Variants in PHF11 observed in about 807,000 individuals in gnomAD.
PHF11 encodes the protein PHD finger protein 11, also known as BRCA1 C-terminus-associated protein.
In PHF11, 38 loss-of-function variants were observed where a neutral mutation model predicts 40.5. That is an observed-to-expected ratio of 0.94 (90% CI 0.72 to 1.23). The LOEUF (loss-of-function observed/expected upper bound fraction) is 1.23. PHF11 is among the 50% of genes most tolerant of loss of function. PHF11 has a pLI of 0.00. For missense variants in PHF11, 369 were observed against 392.4 expected, an observed-to-expected ratio of 0.94 and a Z score of 0.50; for synonymous variants, 127 against 138.2, an observed-to-expected ratio of 0.92 and a Z score of 0.57.
intron 1 of PHF11, among the ~76,000 whole-genome samples, chr13:49,496,799 G>A (rs1958818038): frequency 6.9e-6 from 1 of 145,902 alleles, no homozygotes. Flanking sequence ...TTCAGGGAAA[G>A]CTTTTTGAGG....
In PHF11 at chr13:49,523,397, T is replaced by C. The variant is rs2139075072; in HGVS notation, c.637+156T>C. 3 of 617,768 alleles carry C rather than the reference T, an allele frequency of 4.9e-6. No homozygotes were observed. The East Asian group carries it at 8.5e-5, about 18-fold the overall frequency. 38.3% of individuals were successfully genotyped at this position (617,768 alleles called of 1,614,324 possible). ...ATCTTTATCGCAACTGTCCACTCTATTGTAATCCCAGCATATCAAGATAAC... is the reference window on the plus strand; with the variant it reads ...ATCTTTATCGCAACTGTCCACTCTACTGTAATCCCAGCATATCAAGATAAC... On this transcript the variant is annotated intron_variant, in intron 7 of 9. Transcript: ENST00000378319.
chr13:49,513,860 A>G (rs1286961182), intron 3 of PHF11, among the ~76,000 whole-genome samples: 2 of 152,112 alleles, frequency 1.3e-5, no homozygotes, highest in Non-Finnish European at 2.9e-5. Context: ...TCCTGTCCCC[A>G]ACATCAGCTG....
chr13:49,524,315 C>T (rs1387550705), intron 8 of PHF11, 99 bp downstream of exon 8: 3 of 954,872 alleles, frequency 3.1e-6, no homozygotes, highest in African/African-American at 3.4e-5. Flanking sequence ...CCATTTTCTT[C>T]CTATACTACT....
Position 49,518,162 on chromosome 13 carries a change from A to G in PHF11, c.458+11A>G. ...TCGAGGAATTTATAAGTATTTAATA[A>G]AACATTTTTAAAACCACATTTGGGG... On this transcript the variant is annotated intron_variant, in intron 4 of 9. Coordinates refer to ENST00000378319, the MANE Select transcript of PHF11 (RefSeq NM_001040443.3). The G allele has an allele frequency of 6.4e-7, 1 of 1,564,378 alleles. No homozygotes were observed. The highest frequency in any genetic ancestry group is 8.7e-7 in the Non-Finnish European group (1 of 1,151,190).
At position 49,528,656 on chromosome 13, in the gene PHF11, G is replaced by A. The variant is rs778373191; in HGVS notation, c.987G>A (p.Leu329=). ...LMSSSTSISS[L]SY Reference sequence around the variant, plus strand: ...CAAGTTCTACATCAATATCATCCCTGTCTTATTAGGGATTACCGTTTCCTA... The same window carrying A: ...CAAGTTCTACATCAATATCATCCCTATCTTATTAGGGATTACCGTTTCCTA... The change falls in exon 10 of 10, where the codon CTG becomes CTA. Residue 329 remains leucine, a synonymous_variant. Transcript: ENST00000378319. The A allele has an allele frequency of 2.5e-6, 4 of 1,599,012 alleles. No homozygotes were observed. In the Admixed American group the frequency reaches 5.3e-5, roughly 21 times the overall value.
chr13:49,514,056 TC>T (rs2139055178), intron 3 of PHF11, among the ~76,000 whole-genome samples: 1 of 152,276 alleles, frequency 6.6e-6, no homozygotes, highest in East Asian at 1.9e-4. Context: ...AGGGGTCAGC[TC>T]CTCATGGGTC....
rs754664288 is a variant in PHF11 at position 49,528,646 on chromosome 13, T to C, written c.977T>C (p.Ile326Thr). The C allele has an allele frequency of 3.1e-6, 5 of 1,606,294 alleles. No homozygotes were observed. Among genetic ancestry groups the C allele is most frequent in the South Asian group, 2.2e-5 (2 of 89,522 alleles). The part of the protein sequence containing the change: ...NRDLMSSSTS[I>T]SSLSY ...GATCTTATGTCAAGTTCTACATCAA[T>C]ATCATCCCTGTCTTATTAGGGATTA... Residue 326 changes from isoleucine (I) to threonine (T), a missense_variant, in exon 10 of 10, where the codon ATA becomes ACA. Transcript: ENST00000378319.
At chr13:49,514,993 A>C (rs892815903) in intron 3 of PHF11, among the ~76,000 whole-genome samples, 5 of 152,092 alleles carry the variant, frequency 3.3e-5, no homozygotes, top group African/African-American at 7.2e-5. Flanking sequence ...AGAGTTAAAG[A>C]AATCTCTGTG....
intron 5 of PHF11, chr13:49,521,211 A>G: frequency 2.7e-6 from 3 of 1,097,008 alleles, no homozygotes; most frequent in Admixed American, 5.1e-5. Context: ...AAGACATGGG[A>G]AAAAGCCTTG....
intron 5 of PHF11, chr13:49,521,399 C>T: frequency 1.0e-6 from 1 of 987,586 alleles, no homozygotes; most frequent in Non-Finnish European, 1.2e-6. Flanking sequence ...ATGAGTGGAA[C>T]AGCAGTGTCT....
At chr13:49,513,808 C>T (rs935860501) in intron 3 of PHF11, among the ~76,000 whole-genome samples, 5 of 152,154 alleles carry the variant, frequency 3.3e-5, no homozygotes, top group East Asian at 1.9e-4. Flanking sequence ...GATTGAGTGG[C>T]TTGATAATGT....
chr13:49,527,343 T>C (rs1271974725), intron 9 of PHF11: 1 of 152,176 alleles, frequency 6.6e-6, no homozygotes, highest in Non-Finnish European at 1.5e-5. Context: ...CCCCCTGAAG[T>C]TGCACAACAG....
chr13:49,519,058 A>G (rs1959175434), intron 4 of PHF11, among the ~76,000 whole-genome samples: 1 of 151,888 alleles, frequency 6.6e-6, no homozygotes, highest in Non-Finnish European at 1.5e-5. Context: ...GATGGTCTCA[A>G]TCTCCTGACC....
In PHF11 at chr13:49,513,164, T is replaced by A. The variant is rs1248040110; in HGVS notation, c.322T>A (p.Leu108Met). 3.5e-6 allele frequency: 5 copies of A among 1,437,486 alleles called. No homozygotes were observed. The highest frequency in any genetic ancestry group is 3.9e-6 in the Non-Finnish European group (4 of 1,019,368). 89.0% of individuals were successfully genotyped at this position (1,437,486 alleles called of 1,614,324 possible). A position where few individuals can be genotyped will look rare whatever the true frequency, so the allele number is the denominator to read the frequency against. Residue 108 changes from leucine to methionine, a missense_variant and splice_region_variant, in exon 3 of 10, where the codon TTG becomes ATG. Leu to Met is a conservative substitution (Grantham distance 15, BLOSUM62 2). Coordinates refer to ENST00000378319, the MANE Select transcript of PHF11 (RefSeq NM_001040443.3). The stretch of plus-strand genomic sequence containing the variant: ...GAAAGAAATCCAGAGAGGAAGGAAG[T>A]TGGTAAGTGTAAATGATGTTATTTC... ...VKKEIQRGRK[L>M]KCKFCHKRGA...
chr13:49,526,430 C>T lies in PHF11; in HGVS notation c.813C>T (p.Phe271=), dbSNP rs771901087. The T allele has an allele frequency of 3.1e-5, 50 of 1,607,640 alleles. No individual in the cohort carries two copies. In the East Asian group the frequency reaches 3.1e-4, roughly 10 times the overall value. The stretch of plus-strand genomic sequence containing the variant: ...GTGCACTTTTTGACTGTAGATTGTT[C>T]GAAGACACATTTGTAAATTTTCAAG... ...IGSALFDCRL[F]EDTFVNFQAA... Residue 271 remains phenylalanine (F), a synonymous_variant, in exon 9 of 10, where the codon TTC becomes TTT. Coordinates refer to ENST00000378319, the MANE Select transcript of PHF11 (RefSeq NM_001040443.3).
At chr13:49,507,080 TA>T (rs1390314884) in intron 2 of PHF11, among the ~76,000 whole-genome samples, 2 of 151,778 alleles carry the variant, frequency 1.3e-5, no homozygotes, top group African/African-American at 4.9e-5. Flanking sequence ...ATTTTTTTTG[TA>T]TTTTTAGTAG....
At chr13:49,527,023 G>A (rs17073051) in intron 9 of PHF11, among the ~76,000 whole-genome samples, 73,237 of 150,808 alleles carry the variant, frequency 0.49, 18,265 homozygotes, top group Middle Eastern at 0.6. Context: ...TTTCTTATCA[G>A]GGAGGGTTAC....
rs1391544560 is a variant in PHF11, at chr13:49,496,543, G to C, written c.94+448G>C. The C allele has an allele frequency of 4.2e-6, 3 of 707,528 alleles. No homozygotes were observed. The East Asian group carries it at 3.9e-4, about 92-fold the overall frequency. The allele number at this position is 707,528 out of a possible 1,614,324, so 43.8% of individuals were successfully genotyped here. The stretch of plus-strand genomic sequence containing the variant: ...TCTCACGTTCACGGAGGACGTGACT[G>C]GAACCCGTCTCCCCTTCTCCAGTCG... On this transcript the variant is annotated intron_variant, in intron 1 of 9. Coordinates refer to ENST00000378319, the MANE Select transcript of PHF11 (RefSeq NM_001040443.3).
At chr13:49,509,554 T>C (rs1164190858) in intron 2 of PHF11, among the ~76,000 whole-genome samples, 3 of 152,150 alleles carry the variant, frequency 2.0e-5, no homozygotes, top group African/African-American at 4.8e-5. Flanking sequence ...GCTTTGGCTG[T>C]GTCCCCACCC....
Sources: gnomAD v4.1 joint callset for allele counts (sites outside exome capture counted in the v4.1 genomes callset) on GRCh38, gnomAD v4.1.1 for gene constraint, MANE v1.5 for transcripts, NCBI Gene and HGNC (gene_info 2026-07-23, HGNC 2026-07-21) for gene names.